RALYL: variants seen among roughly 807,000 people sequenced by gnomAD.
RALYL encodes the protein RALY RNA binding protein like.
A neutral mutation model predicts 35.1 loss-of-function variants in RALYL; 29 were observed. The observed-to-expected ratio is 0.83, with a 90% confidence interval of 0.61 to 1.13. The LOEUF (loss-of-function observed/expected upper bound fraction) is 1.13. Among genes scored for constraint, RALYL ranks in the 50% most tolerant of loss-of-function variants. The probability of loss-of-function intolerance (pLI) is 0.00; values close to 1 mark genes in which losing one functional copy is unlikely to be tolerated. For synonymous variants in RALYL, 120 were observed against 127.6 expected, an observed-to-expected ratio of 0.94 and a Z score of 0.40; for missense variants, 359 against 360.4, an observed-to-expected ratio of 1.00 and a Z score of 0.03.
chr8:84,807,834 A>G (rs144021177), intron 4 of RALYL, among the ~76,000 whole-genome samples: 2 of 152,158 alleles, frequency 1.3e-5, no homozygotes, highest in South Asian at 4.1e-4. Context: ...CTATCTATTC[A>G]TGTAATTAAC....
chr8:84,460,642 C>A (rs552403479), intron 1 of RALYL, among the ~76,000 whole-genome samples: 1 of 151,680 alleles, frequency 6.6e-6, no homozygotes, highest in African/African-American at 2.4e-5. Context: ...GTATAAGATA[C>A]TTTCAAATAA....
intron 3 of RALYL, among the ~76,000 whole-genome samples, chr8:84,781,760 A>G (rs565539631): frequency 6.6e-6 from 1 of 152,354 alleles, no homozygotes; most frequent in Non-Finnish European, 1.5e-5. Context: ...TTATACTAAT[A>G]AAACTTATGC....
chr8:84,256,191 C>T (rs1563619971), intron 1 of RALYL, among the ~76,000 whole-genome samples: 2 of 152,016 alleles, frequency 1.3e-5, no homozygotes, highest in Non-Finnish European at 2.9e-5. Context: ...ATTTTCTGTT[C>T]TAGTTTTGAG....
At chr8:84,349,978 C>T (rs2131047005) in intron 1 of RALYL, among the ~76,000 whole-genome samples, 1 of 150,570 alleles carries the variant, frequency 6.6e-6, no homozygotes, top group South Asian at 2.1e-4. Context: ...TAAACAACTT[C>T]TTCCCATTAC....
intron 2 of RALYL, among the ~76,000 whole-genome samples, chr8:84,543,702 G>A (rs711059): frequency 0.5 from 76,308 of 151,676 alleles, 19,279 homozygotes; most frequent in East Asian, 0.65. Context: ...TTTCTGGGTC[G>A]TTTTGACATA....
chr8:84,886,803 T>C (rs1842976533), intron 7 of RALYL, among the ~76,000 whole-genome samples: 1 of 152,182 alleles, frequency 6.6e-6, no homozygotes, highest in South Asian at 2.1e-4. Flanking sequence ...GCTTCATTTG[T>C]TGAGCACTTA....
At chr8:84,187,915 G>A (rs1812919441) in intron 1 of RALYL, among the ~76,000 whole-genome samples, 1 of 151,930 alleles carries the variant, frequency 6.6e-6, no homozygotes, top group African/African-American at 2.4e-5. Context: ...TAATTAAGCA[G>A]GGCATTCATT....
At chr8:84,467,132 C>G (rs543747359) in intron 1 of RALYL, among the ~76,000 whole-genome samples, 13 of 152,174 alleles carry the variant, frequency 8.5e-5, no homozygotes, top group Admixed American at 7.2e-4. Flanking sequence ...TTTTTTGTGT[C>G]ACTATTTCCT....
chr8:84,806,213 G>A (rs1182192154), intron 4 of RALYL, among the ~76,000 whole-genome samples: 1 of 152,094 alleles, frequency 6.6e-6, no homozygotes, highest in Non-Finnish European at 1.5e-5. Flanking sequence ...TTTATTTGAA[G>A]ACTACATGGA....
At chr8:84,424,666 C>T (rs2046124532) in intron 1 of RALYL, among the ~76,000 whole-genome samples, 1 of 151,590 alleles carries the variant, frequency 6.6e-6, no homozygotes, top group Admixed American at 6.6e-5. Context: ...CTGTTTTTTC[C>T]CCATCTTTGT....
chr8:84,206,705 A>G (rs1454436020), intron 1 of RALYL, among the ~76,000 whole-genome samples: 1 of 152,144 alleles, frequency 6.6e-6, no homozygotes, highest in Non-Finnish European at 1.5e-5. Context: ...TTCTCTGGGA[A>G]TAAGGAATTG....
At chr8:84,340,990 GTAA>G (rs1412112857) in intron 1 of RALYL, among the ~76,000 whole-genome samples, 1 of 151,628 alleles carries the variant, frequency 6.6e-6, no homozygotes, top group Admixed American at 6.6e-5. Context: ...GTTATTTTTG[GTAA>G]TAATAGCCAT....
At chr8:84,523,496 GTTTTTTAT>G (rs1052880294) in intron 1 of RALYL, among the ~76,000 whole-genome samples, 29 of 151,658 alleles carry the variant, frequency 1.9e-4, no homozygotes, top group South Asian at 1.3e-3. Context: ...TTCTGTTGTT[GTTTTTTAT>G]TTTTTTATTT....
intron 4 of RALYL, among the ~76,000 whole-genome samples, chr8:84,832,118 T>TTTATGCTGAA (rs1831050130): frequency 6.6e-6 from 1 of 152,184 alleles, no homozygotes; most frequent in African/African-American, 2.4e-5. Flanking sequence ...CGTTTACTGT[T>TTTATGCTGAA]TTATGCTGAA....
chr8:84,331,260 T>G (rs1173779975), intron 1 of RALYL, among the ~76,000 whole-genome samples: 1 of 152,078 alleles, frequency 6.6e-6, no homozygotes, highest in East Asian at 1.9e-4. Context: ...TTAGAGTTGT[T>G]GCATTGATAA....
At chr8:84,878,839 G>A (rs1017922172) in intron 7 of RALYL, among the ~76,000 whole-genome samples, 12 of 152,020 alleles carry the variant, frequency 7.9e-5, no homozygotes, top group East Asian at 1.9e-4. Context: ...AGAATTACAC[G>A]ATGAATATCT....
chr8:84,268,117 T>C lies in RALYL; in HGVS notation c.-24+83693T>C, dbSNP rs556555800. Among the ~76,000 whole-genome samples the C allele has an allele frequency of 4.0e-4, 61 of 152,332 alleles. 1 individual carries two copies. The highest frequency in any genetic ancestry group is 1.4e-3 in the African/African-American group (60 of 41,574). On this transcript the variant is annotated intron_variant, in intron 1 of 8. Transcript: ENST00000521268. ...CCCTGAGAATAAAATAAACAATTTG[T>C]GATGGCTGGGAGCTGTACAGCTAAT...
intron 1 of RALYL, among the ~76,000 whole-genome samples, chr8:84,247,683 G>C (rs1195180556): frequency 1.3e-5 from 2 of 152,032 alleles, no homozygotes; most frequent in African/African-American, 2.4e-5. Flanking sequence ...AGAATTTCTT[G>C]TATTATTTTC....
At chr8:84,644,634 G>A (rs1443315533) in intron 2 of RALYL, among the ~76,000 whole-genome samples, 1 of 151,984 alleles carries the variant, frequency 6.6e-6, no homozygotes, top group Non-Finnish European at 1.5e-5. Context: ...ATCTGCAACA[G>A]GATTCCATCC....
Sources: allele counts gnomAD v4.1 joint callset (sites outside exome capture counted in the v4.1 genomes callset), GRCh38; gene constraint gnomAD v4.1.1; transcripts MANE v1.5; gene names NCBI Gene and HGNC (gene_info 2026-07-23, HGNC 2026-07-21).